Variants in NCOA2 observed in about 807,000 individuals in gnomAD.
NCOA2 encodes the protein nuclear receptor coactivator 2, also known as class E basic helix-loop-helix protein 75.
Under a neutral mutation model 145.1 loss-of-function variants are expected in NCOA2, and 21 were observed. The ratio of observed to expected loss-of-function variants is 0.14; its 90% CI spans 0.10 to 0.21. The LOEUF is 0.21. NCOA2 is among the 10% of genes least tolerant of loss of function. The pLI is 1.00. For synonymous variants in NCOA2, 619 were observed against 637.5 expected, an observed-to-expected ratio of 0.97 and a Z score of 0.44; for missense variants, 1,472 against 1,837.6, an observed-to-expected ratio of 0.80 and a Z score of 3.64.
At chr8:70,114,873 T>A (rs979421003) in intron 22 of NCOA2, among the ~76,000 whole-genome samples, 4 of 152,212 alleles carry the variant, frequency 2.6e-5, no homozygotes, top group African/African-American at 7.2e-5. Flanking sequence ...TGCCAGATCA[T>A]GAGTTCTAGT....
the NCOA2 span, among the ~76,000 whole-genome samples, chr8:70,418,989 A>G: frequency 2.6e-5 from 4 of 152,076 alleles, no homozygotes; most frequent in Non-Finnish European, 5.9e-5. Flanking sequence ...TCTATTCAGT[A>G]TGCTTCCATC....
intron 14 of NCOA2, among the ~76,000 whole-genome samples, chr8:70,140,653 G>A (rs147965645): frequency 0.082 from 11,234 of 137,664 alleles, 529 homozygotes; most frequent in East Asian, 0.13. Flanking sequence ...AGGCTTGAGT[G>A]CAGTGGTGTC....
intron 14 of NCOA2, among the ~76,000 whole-genome samples, chr8:70,139,292 T>C (rs1810102155): frequency 1.3e-5 from 2 of 152,230 alleles, no homozygotes; most frequent in Admixed American, 1.3e-4. Flanking sequence ...CAATAAAGCT[T>C]ATAGAGCCAT....
At chr8:70,202,322 G>A (rs1817976243) in intron 4 of NCOA2, among the ~76,000 whole-genome samples, 1 of 152,186 alleles carries the variant, frequency 6.6e-6, no homozygotes, top group South Asian at 2.1e-4. Flanking sequence ...GTATAAGCCA[G>A]TAATCTCACT....
intron 4 of NCOA2, among the ~76,000 whole-genome samples, chr8:70,183,863 G>A (rs575656810): frequency 6.6e-6 from 1 of 152,082 alleles, no homozygotes; most frequent in African/African-American, 2.4e-5. Flanking sequence ...TTTATTTGCT[G>A]CCTGGCACAT....
chr8:70,321,792 CCT>C (rs540751307), intron 1 of NCOA2, among the ~76,000 whole-genome samples: 5,797 of 97,330 alleles, frequency 0.06, 319 homozygotes, highest in East Asian at 0.15. Flanking sequence ...TCAGAATATA[CCT>C]TTTTTTTTTT....
chr8:70,337,141 G>A (rs1361315567), intron 1 of NCOA2, among the ~76,000 whole-genome samples: 1 of 152,116 alleles, frequency 6.6e-6, no homozygotes, highest in East Asian at 1.9e-4. Flanking sequence ...GGTATGGACT[G>A]ATAATTGACA....
At chr8:70,202,753 A>G (rs906917011) in intron 4 of NCOA2, among the ~76,000 whole-genome samples, 5 of 152,212 alleles carry the variant, frequency 3.3e-5, no homozygotes, top group Non-Finnish European at 5.9e-5. Context: ...CTAGAGATCC[A>G]CTGTACAACA....
chr8:70,396,702 CTG>C (rs10573291), intron 1 of NCOA2, among the ~76,000 whole-genome samples: 4,021 of 152,272 alleles, frequency 0.026, 166 homozygotes, highest in African/African-American at 0.092. Flanking sequence ...TAAATAACCT[CTG>C]TGCAGGTATA....
In NCOA2 at chr8:70,124,721, T is replaced by C. The variant is rs1266680902; in HGVS notation, c.4061A>G (p.Asn1354Ser). 1.5e-5 allele frequency: 24 copies of C among 1,612,436 alleles called. No individual in the cohort carries two copies. The highest frequency in any genetic ancestry group is 2.2e-5 in the South Asian group (2 of 90,870). ...GCCCATGTTCCCCTGCGCCCATCCA[T>C]TTATGTCGGAGGGGGCCTGATAGGC... ...NPAYQAPSDI[N>S]GWAQGNMGGN... The change falls in exon 20 of 23, where the codon AAT (asparagine) becomes AGT (serine). Residue 1354 changes from asparagine (N) to serine (S), a missense_variant. Physicochemically the swap from Asn to Ser is conservative, Grantham distance 46. Coordinates refer to ENST00000452400, the MANE Select transcript of NCOA2 (RefSeq NM_006540.4).
At chr8:70,405,638 C>G (rs1008985782), upstream of NCOA2, among the ~76,000 whole-genome samples, 6 of 150,766 alleles carry the variant, frequency 4.0e-5, no homozygotes, top group African/African-American at 1.5e-4. Context: ...GTCCTCACCC[C>G]CAACTGTGAG....
At chr8:70,388,660 T>C (rs914049006) in intron 1 of NCOA2, among the ~76,000 whole-genome samples, 3 of 151,594 alleles carry the variant, frequency 2.0e-5, no homozygotes, top group Non-Finnish European at 4.4e-5. Context: ...CATTAAATTT[T>C]TGCTGAATAA....
intron 1 of NCOA2, among the ~76,000 whole-genome samples, chr8:70,347,647 A>T (rs1241911207): frequency 2.0e-5 from 3 of 152,132 alleles, no homozygotes; most frequent in Non-Finnish European, 4.4e-5. Flanking sequence ...TGACAAAGCG[A>T]GACCTTGTCT....
the NCOA2 span, among the ~76,000 whole-genome samples, chr8:70,424,989 C>T: frequency 6.6e-6 from 1 of 152,184 alleles, no homozygotes; most frequent in Non-Finnish European, 1.5e-5. Context: ...ACTCACTCCA[C>T]TAGGACAGTT....
At chr8:70,315,983 C>T (rs1352165750) in intron 1 of NCOA2, among the ~76,000 whole-genome samples, 1 of 152,172 alleles carries the variant, frequency 6.6e-6, no homozygotes, top group Non-Finnish European at 1.5e-5. Flanking sequence ...GATGACGGAA[C>T]TTCTAAAGAA....
chr8:70,115,567 G>A (rs986676052), intron 22 of NCOA2, among the ~76,000 whole-genome samples: 7 of 152,184 alleles, frequency 4.6e-5, no homozygotes, highest in South Asian at 2.1e-4. Context: ...TAAGTGCTCA[G>A]TAAATGTCAT....
chr8:70,246,522 T>C (rs1453085973), intron 2 of NCOA2, among the ~76,000 whole-genome samples: 1 of 152,130 alleles, frequency 6.6e-6, no homozygotes, highest in Admixed American at 6.6e-5. Flanking sequence ...ATCTCATAAA[T>C]GCAAAACATA....
chr8:70,216,585 A>G, intron 3 of NCOA2, 75 bp downstream of exon 3: 1 of 1,197,514 alleles, frequency 8.4e-7, no homozygotes, highest in Non-Finnish European at 1.2e-6. Flanking sequence ...AGTAAAATCA[A>G]TGCTAAAATA....
At chr8:70,370,333 A>AT (rs1811099958) in intron 1 of NCOA2, among the ~76,000 whole-genome samples, 1 of 152,216 alleles carries the variant, frequency 6.6e-6, no homozygotes. Flanking sequence ...AGAAAAGTAT[A>AT]TTTTAAATAG....
Sources: gnomAD v4.1 joint callset for allele counts (sites outside exome capture counted in the v4.1 genomes callset) on GRCh38, gnomAD v4.1.1 for gene constraint, MANE v1.5 for transcripts, NCBI Gene and HGNC (gene_info 2026-07-23, HGNC 2026-07-21) for gene names.